The following CDH13 variants were observed in gnomAD, a reference collection of about 807,000 sequenced individuals.
The protein encoded by CDH13 is cadherin-13.
A neutral mutation model predicts 63.8 loss-of-function variants in CDH13; 24 were observed. The observed-to-expected ratio is 0.38, with a 90% CI of 0.27 to 0.53. The LOEUF is 0.53. Ranked by LOEUF, CDH13 falls within the 20% of genes least tolerant of loss-of-function variation. CDH13 has a pLI of 0.85. For synonymous variants in CDH13, 503 were observed against 355.3 expected (o/e 1.42, Z -4.67); for missense variants, 1,049 against 903.1 (o/e 1.16, Z -2.07).
chr16:83,162,052 G>C (rs777546142), intron 4 of CDH13, among the ~76,000 whole-genome samples: 10 of 152,154 alleles, frequency 6.6e-5, no homozygotes, highest in Admixed American at 1.3e-4. Flanking sequence ...TTGGGGGTTA[G>C]GCCCATTTTA....
chr16:83,092,258 A>G lies in CDH13; in HGVS notation c.367-33127A>G, dbSNP rs533087626. Among the ~76,000 whole-genome samples the G allele has an allele frequency of 7.2e-5, 11 of 152,372 alleles. No individual in the cohort carries two copies. In the South Asian group the frequency reaches 2.3e-3, roughly 32 times the overall value. ...CAGGGACTACAACCTAAATTTTCTA[A>G]TTCAAGTCCAGTAGGGTCTGCCTTA... On this transcript the variant is annotated intron_variant, in intron 3 of 13. Coordinates refer to ENST00000567109, the MANE Select transcript of CDH13 (RefSeq NM_001257.5).
At chr16:83,618,843 T>C (rs1030896972) in intron 8 of CDH13, among the ~76,000 whole-genome samples, 5 of 151,166 alleles carry the variant, frequency 3.3e-5, no homozygotes, top group African/African-American at 9.8e-5. Flanking sequence ...AAAAAAAAAA[T>C]GAAAGCAAGA....
At chr16:83,601,827 G>A (rs1167539037) in intron 7 of CDH13, among the ~76,000 whole-genome samples, 2 of 151,928 alleles carry the variant, frequency 1.3e-5, no homozygotes, top group African/African-American at 4.8e-5. Context: ...GGGCGTGGTG[G>A]CTCACACCTG....
At chr16:83,136,786 A>G (rs780084106) in intron 4 of CDH13, among the ~76,000 whole-genome samples, 1 of 152,178 alleles carries the variant, frequency 6.6e-6, no homozygotes, top group Non-Finnish European at 1.5e-5. Flanking sequence ...CGCAGCCTGA[A>G]TGCAGGTTCC....
At chr16:82,952,748 G>A (rs1663605125) in intron 2 of CDH13, among the ~76,000 whole-genome samples, 1 of 152,158 alleles carries the variant, frequency 6.6e-6, no homozygotes, top group Non-Finnish European at 1.5e-5. Context: ...CAGGTCCACT[G>A]TCCACCATTC....
At chr16:82,672,000 A>G (rs1402659584) in intron 1 of CDH13, among the ~76,000 whole-genome samples, 8 of 152,176 alleles carry the variant, frequency 5.3e-5, no homozygotes, top group Non-Finnish European at 1.0e-4. Flanking sequence ...TGCTTTGGAA[A>G]GAATGGCATC....
At chr16:83,347,200 C>A (rs2090857466) in intron 6 of CDH13, among the ~76,000 whole-genome samples, 1 of 152,170 alleles carries the variant, frequency 6.6e-6, no homozygotes, top group East Asian at 1.9e-4. Flanking sequence ...TCTTCTTCAA[C>A]TTAAATCGTT....
chr16:83,701,919 A>G (rs1292202623), intron 10 of CDH13, among the ~76,000 whole-genome samples: 6 of 152,210 alleles, frequency 3.9e-5, no homozygotes, highest in Non-Finnish European at 8.8e-5. Flanking sequence ...CAGCTCTGCC[A>G]TTGAGGGTTG....
intron 5 of CDH13, among the ~76,000 whole-genome samples, chr16:83,338,244 G>T (rs574388189): frequency 7.9e-5 from 12 of 151,230 alleles, no homozygotes; most frequent in African/African-American, 2.4e-4. Context: ...GTTTACCACT[G>T]GGATTCTTCT....
intron 4 of CDH13, among the ~76,000 whole-genome samples, chr16:83,146,206 A>AAAAAAAAAAAAAAAAAG (rs1472391722): frequency 2.0e-5 from 3 of 147,760 alleles, no homozygotes; most frequent in African/African-American, 7.9e-5. Context: ...AAAAAAAAAA[A>AAAAAAAAAAAAAAAAAG]AAAAGAAAAG....
intron 5 of CDH13, among the ~76,000 whole-genome samples, chr16:83,267,082 G>A (rs538650184): frequency 6.6e-6 from 1 of 152,216 alleles, no homozygotes; most frequent in South Asian, 2.1e-4. Context: ...ATTTGTTAGG[G>A]AGGAGCTGGT....
At chr16:83,124,063 T>G (rs1050183121) in intron 3 of CDH13, among the ~76,000 whole-genome samples, 2 of 152,214 alleles carry the variant, frequency 1.3e-5, no homozygotes, top group Non-Finnish European at 2.9e-5. Flanking sequence ...TTGTTTGTTC[T>G]GAGCTGGAGT....
At chr16:82,712,514 C>T (rs117569288) in intron 1 of CDH13, among the ~76,000 whole-genome samples, 418 of 152,274 alleles carry the variant, frequency 2.7e-3, no homozygotes, top group Non-Finnish European at 4.9e-3. Flanking sequence ...TCTCTTACCA[C>T]GCCTATCATG....
At chr16:83,544,347 A>G (rs1304889850) in intron 7 of CDH13, among the ~76,000 whole-genome samples, 1 of 151,988 alleles carries the variant, frequency 6.6e-6, no homozygotes, top group Non-Finnish European at 1.5e-5. Context: ...CTGCTCCAAC[A>G]TTTCCTATAG....
chr16:82,759,513 T>C (rs968897730), intron 1 of CDH13, among the ~76,000 whole-genome samples: 1 of 151,084 alleles, frequency 6.6e-6, no homozygotes, highest in Non-Finnish European at 1.5e-5. Context: ...GGATTGTATA[T>C]TAATATGTAG....
intron 3 of CDH13, among the ~76,000 whole-genome samples, chr16:83,082,012 C>T (rs913764657): frequency 1.8e-4 from 27 of 152,070 alleles, no homozygotes; most frequent in Non-Finnish European, 2.9e-5. Flanking sequence ...GTTGGTCAGG[C>T]TGGTCTCGAA....
intron 1 of CDH13, among the ~76,000 whole-genome samples, chr16:82,836,042 G>A (rs1255152857): frequency 6.6e-6 from 1 of 152,188 alleles, no homozygotes; most frequent in African/African-American, 2.4e-5. Context: ...TGTCTGAAAT[G>A]CATTCTTCCC....
At chr16:82,864,414 C>T (rs1466931643) in intron 2 of CDH13, among the ~76,000 whole-genome samples, 2 of 152,120 alleles carry the variant, frequency 1.3e-5, no homozygotes, top group Non-Finnish European at 2.9e-5. Context: ...CACAATTCAG[C>T]ATGGCTGAGG....
chr16:83,053,762 G>A (rs1245128673), intron 3 of CDH13, among the ~76,000 whole-genome samples: 2 of 152,106 alleles, frequency 1.3e-5, no homozygotes, highest in South Asian at 2.1e-4. Context: ...GAACTATACA[G>A]CAGGCAGATA....
Sources: gnomAD v4.1 joint callset for allele counts (sites outside exome capture counted in the v4.1 genomes callset) on GRCh38, gnomAD v4.1.1 for gene constraint, MANE v1.5 for transcripts, NCBI Gene and HGNC (gene_info 2026-07-23, HGNC 2026-07-21) for gene names.